LGSN: variants seen among roughly 807,000 people sequenced by gnomAD.
LGSN encodes the protein lengsin.
In LGSN, 21 loss-of-function variants were observed where a neutral mutation model predicts 19.5. That is an observed-to-expected ratio of 1.07 (90% confidence interval 0.76 to 1.55). LGSN has a LOEUF of 1.55. Among genes scored for constraint, LGSN ranks in the 40% most tolerant of loss-of-function variants. LGSN has a pLI of 0.00. For synonymous variants in LGSN, 257 were observed against 215.6 expected, an observed-to-expected ratio of 1.19 and a Z score of -1.68; for missense variants, 673 against 608.5, an observed-to-expected ratio of 1.11 and a Z score of -1.12.
At chr6:63,459,494 A>G in the LGSN span, among the ~76,000 whole-genome samples, 14 of 152,222 alleles carry the variant, frequency 9.2e-5, no homozygotes, top group African/African-American at 3.4e-4. Context: ...CCCTCAAGCA[A>G]TCCTCCAACC....
chr6:63,359,797 T>C, the LGSN span, among the ~76,000 whole-genome samples: 19,842 of 152,198 alleles, frequency 0.13, 2,861 homozygotes, highest in African/African-American at 0.36. Context: ...CCTGGATTCA[T>C]TGATTTTTTG....
the LGSN span, among the ~76,000 whole-genome samples, chr6:63,368,684 A>T: frequency 1.3e-5 from 2 of 152,226 alleles, no homozygotes; most frequent in Admixed American, 6.5e-5. Context: ...TCTAATTTTT[A>T]AAATTCATTT....
chr6:63,339,866 C>T, the LGSN span, among the ~76,000 whole-genome samples: 1 of 151,988 alleles, frequency 6.6e-6, no homozygotes, highest in African/African-American at 2.4e-5. Context: ...TTTATATTCT[C>T]ATGTGTTTTC....
At chr6:63,490,982 T>G in the LGSN span, among the ~76,000 whole-genome samples, 3 of 152,044 alleles carry the variant, frequency 2.0e-5, no homozygotes, top group Non-Finnish European at 2.9e-5. Context: ...TTTTTTTGAT[T>G]AGGGCCCTCA....
At chr6:63,482,832 C>T in the LGSN span, among the ~76,000 whole-genome samples, 1 of 152,138 alleles carries the variant, frequency 6.6e-6, no homozygotes, top group African/African-American at 2.4e-5. Flanking sequence ...TTCCGAATAG[C>T]TGGGACTATA....
chr6:63,355,731 T>C, the LGSN span, among the ~76,000 whole-genome samples: 1 of 152,206 alleles, frequency 6.6e-6, no homozygotes, highest in Non-Finnish European at 1.5e-5. Flanking sequence ...CAGGCTGTTG[T>C]GCAATGGTGC....
the LGSN span, among the ~76,000 whole-genome samples, chr6:63,528,589 G>A: frequency 1.3e-5 from 2 of 151,888 alleles, no homozygotes; most frequent in Non-Finnish European, 2.9e-5. Flanking sequence ...AAATTAGCCA[G>A]CCATGAAAAA....
At chr6:63,297,706 A>C (rs1180538843) in intron 1 of LGSN, among the ~76,000 whole-genome samples, 1 of 152,236 alleles carries the variant, frequency 6.6e-6, no homozygotes, top group Non-Finnish European at 1.5e-5. Flanking sequence ...TCCACAAAGT[A>C]GCAAGTCCTT....
chr6:63,432,199 A>G, the LGSN span, among the ~76,000 whole-genome samples: 4 of 29,980 alleles, frequency 1.3e-4, no homozygotes, highest in African/African-American at 6.4e-4. Context: ...AAAAGAAAAG[A>G]AAAGAAAAGA....
chr6:63,280,305 G>A lies in LGSN; in HGVS notation c.1246C>T (p.Pro416Ser), dbSNP rs1040530696. The change falls in exon 4 of 4, where the codon CCT becomes TCT. Residue 416 changes from proline to serine, a missense_variant. By Grantham distance (74) the Pro-to-Ser change is moderately conservative. Transcript: ENST00000370657. ...ACAGTTGCAGCCAGCACCAAGTAAG[G>A]GTTTGCTGTTGCTGAGCCTAGTTTA... The part of the protein sequence containing the change: ...ENKLGSATAN[P>S]YLVLAATVAA... 6.2e-7 allele frequency: 1 copy of A among 1,614,144 alleles called. No homozygotes were observed. The highest frequency in any genetic ancestry group is 1.7e-5 in the Admixed American group (1 of 60,020).
the LGSN span, among the ~76,000 whole-genome samples, chr6:63,334,373 CA>C: frequency 5.4e-4 from 82 of 151,630 alleles, no homozygotes; most frequent in Admixed American, 9.8e-4. Flanking sequence ...ACAATAGCTA[CA>C]AAAAAAACTA....
At chr6:63,303,111 C>T (rs538557799) in intron 1 of LGSN, among the ~76,000 whole-genome samples, 1 of 152,166 alleles carries the variant, frequency 6.6e-6, no homozygotes, top group African/African-American at 2.4e-5. Context: ...TAAAAATATA[C>T]TGGTGTCATG....
At chr6:63,337,901 T>G in the LGSN span, among the ~76,000 whole-genome samples, 1 of 152,112 alleles carries the variant, frequency 6.6e-6, no homozygotes, top group Non-Finnish European at 1.5e-5. Context: ...TTATTTCTCT[T>G]TTGAGATGGA....
the LGSN span, among the ~76,000 whole-genome samples, chr6:63,375,038 A>C: frequency 1.3e-5 from 2 of 152,138 alleles, no homozygotes; most frequent in Admixed American, 1.3e-4. Flanking sequence ...TATCATGGGA[A>C]CTCTGTTTAG....
the LGSN span, among the ~76,000 whole-genome samples, chr6:63,388,032 A>AT: frequency 2.7e-5 from 4 of 148,636 alleles, 1 homozygote; most frequent in African/African-American, 7.4e-5. Context: ...TGCCCAGCTA[A>AT]TTTTTTTGTT....
chr6:63,450,594 T>C, the LGSN span, among the ~76,000 whole-genome samples: 2 of 149,828 alleles, frequency 1.3e-5, no homozygotes, highest in African/African-American at 4.9e-5. Context: ...AAAACGTTAG[T>C]AAACATGTTA....
intron 1 of LGSN, among the ~76,000 whole-genome samples, chr6:63,306,948 C>G (rs1446966921): frequency 6.6e-6 from 1 of 152,102 alleles, no homozygotes; most frequent in Admixed American, 6.6e-5. Context: ...TAAACTTTCT[C>G]AACTACCACA....
chr6:63,462,411 T>C, the LGSN span, among the ~76,000 whole-genome samples: 1 of 152,100 alleles, frequency 6.6e-6, no homozygotes, highest in African/African-American at 2.4e-5. Flanking sequence ...GGCAGGTGGA[T>C]CACCTGAAGT....
the LGSN span, chr6:63,571,403 C>G: frequency 7.2e-5 from 11 of 152,168 alleles, no homozygotes; most frequent in Non-Finnish European, 1.2e-4. Context: ...CTGTTTGGTC[C>G]TTCTCCAGAG....
Sources: allele counts gnomAD v4.1 joint callset (sites outside exome capture counted in the v4.1 genomes callset), GRCh38; gene constraint gnomAD v4.1.1; transcripts MANE v1.5; gene names NCBI Gene and HGNC (gene_info 2026-07-23, HGNC 2026-07-21).